The following RBMS1 variants were observed in gnomAD, a reference collection of about 807,000 sequenced individuals.
RBMS1 encodes RNA binding motif single stranded interacting protein 1.
RBMS1 carries 17 observed loss-of-function variants against 62.3 expected under a neutral mutation model. The ratio of observed to expected loss-of-function variants is 0.27; its 90% CI spans 0.19 to 0.41. RBMS1 has a LOEUF of 0.41. RBMS1 is among the 10% of genes least tolerant of loss of function. RBMS1 has a pLI of 1.00. For missense variants in RBMS1, 334 were observed against 504.5 expected (o/e 0.66, Z 3.24); for synonymous variants, 172 against 170.0 (o/e 1.01, Z -0.09).
intron 1 of RBMS1, among the ~76,000 whole-genome samples, chr2:160,387,574 T>A (rs1420167871): frequency 2.0e-5 from 3 of 152,110 alleles, no homozygotes; most frequent in African/African-American, 2.4e-5. Context: ...TTTCTGTCTG[T>A]GCTGCAAATG....
At chr2:160,330,950 A>C (rs1487563247) in intron 2 of RBMS1, among the ~76,000 whole-genome samples, 1 of 152,204 alleles carries the variant, frequency 6.6e-6, no homozygotes, top group African/African-American at 2.4e-5. Context: ...AGATGTGAAC[A>C]GAGACACATG....
At chr2:160,355,602 T>C (rs1260145360) in intron 2 of RBMS1, among the ~76,000 whole-genome samples, 5 of 152,036 alleles carry the variant, frequency 3.3e-5, no homozygotes, top group Non-Finnish European at 7.4e-5. Context: ...ACCTTCTCAG[T>C]GAAGTACAAG....
Position 160,277,371 on chromosome 2 carries a change from T to C in RBMS1, c.1075A>G (p.Thr359Ala), listed in dbSNP as rs1017230998. ...LGSTGTYMPA[T>A]SAMQGAYLPQ... is the part of the protein sequence containing the mutation. ...AAGTAGGCTCCTTGCATAGCTGACG[T>C]TGCAGGCATGTACTAGAAAGAAGAA... Residue 359 changes from threonine to alanine, a missense_variant, in exon 12 of 14, where the codon ACG (threonine) becomes GCG (alanine). Thr to Ala is a moderately conservative substitution (Grantham distance 58). Transcript: ENST00000348849. 1 of 1,612,628 alleles carries C rather than the reference T, an allele frequency of 6.2e-7. No homozygotes were observed. Among genetic ancestry groups the C allele is most frequent in the Non-Finnish European group, 8.5e-7 (1 of 1,178,794 alleles).
chr2:160,286,913 G>A, intron 7 of RBMS1, 56 bp downstream of exon 7: 1 of 1,607,544 alleles, frequency 6.2e-7, no homozygotes, highest in African/African-American at 1.3e-5. Flanking sequence ...TTTTCATGTG[G>A]GCATTCAAGA....
intron 1 of RBMS1, among the ~76,000 whole-genome samples, chr2:160,373,506 C>T (rs1360909095): frequency 2.0e-5 from 3 of 152,122 alleles, no homozygotes; most frequent in East Asian, 1.9e-4. Flanking sequence ...CTATTTCCTT[C>T]AAAAGTTCTT....
chr2:160,398,251 T>C (rs1469515806), intron 1 of RBMS1, among the ~76,000 whole-genome samples: 1 of 152,270 alleles, frequency 6.6e-6, no homozygotes, highest in African/African-American at 2.4e-5. Flanking sequence ...ATCTTCCATA[T>C]TCCTTTGAGG....
intron 1 of RBMS1, among the ~76,000 whole-genome samples, chr2:160,416,679 G>A (rs2105262245): frequency 6.6e-6 from 1 of 152,216 alleles, no homozygotes; most frequent in Non-Finnish European, 1.5e-5. Flanking sequence ...TGAAGCCCTA[G>A]AAATATAGAA....
chr2:160,351,844 A>G (rs967954562), intron 2 of RBMS1, among the ~76,000 whole-genome samples: 3 of 152,136 alleles, frequency 2.0e-5, no homozygotes, highest in African/African-American at 7.2e-5. Flanking sequence ...TGACTAAGCA[A>G]TGTTCCTTCT....
chr2:160,311,360 A>G (rs902642511), intron 4 of RBMS1, among the ~76,000 whole-genome samples: 2 of 151,564 alleles, frequency 1.3e-5, no homozygotes, highest in East Asian at 1.9e-4. Flanking sequence ...GGCTACTTAG[A>G]AAGGTGATTC....
At chr2:160,414,674 A>G (rs201409316) in intron 1 of RBMS1, among the ~76,000 whole-genome samples, 1 of 152,284 alleles carries the variant, frequency 6.6e-6, no homozygotes, top group East Asian at 1.9e-4. Flanking sequence ...TAAAAATTCA[A>G]AGCTGACAGC....
chr2:160,410,994 G>A lies in RBMS1; in HGVS notation c.76-43603C>T, dbSNP rs527494738. Reference sequence around the variant, plus strand: ...CTTGACCTCGTGATCCGCCCATCTCGGCCTCCCAAAGTTCTGGGATTACAG... The same window carrying A: ...CTTGACCTCGTGATCCGCCCATCTCAGCCTCCCAAAGTTCTGGGATTACAG... On this transcript the variant is annotated intron_variant, in intron 1 of 13. Transcript: ENST00000348849. Among the ~76,000 whole-genome samples, 10 of 152,138 alleles carry A rather than the reference G, an allele frequency of 6.6e-5. No individual in the cohort carries two copies. The East Asian group carries it at 9.7e-4, about 15-fold the overall frequency.
intron 1 of RBMS1, among the ~76,000 whole-genome samples, chr2:160,421,296 C>G (rs184748646): frequency 1.1e-4 from 16 of 152,108 alleles, no homozygotes; most frequent in Middle Eastern, 3.4e-3. Flanking sequence ...TTCCCTCCCC[C>G]CTTCCCCCAC....
intron 1 of RBMS1, among the ~76,000 whole-genome samples, chr2:160,472,438 C>T (rs748689032): frequency 3.3e-5 from 5 of 152,108 alleles, no homozygotes; most frequent in Non-Finnish European, 5.9e-5. Context: ...AAGGATAAAA[C>T]ATTCTGGCCG....
chr2:160,421,555 C>T (rs1048595488), intron 1 of RBMS1, among the ~76,000 whole-genome samples: 18 of 152,154 alleles, frequency 1.2e-4, no homozygotes, highest in African/African-American at 4.3e-4. Context: ...CATTGATGGA[C>T]ATTTGGGTTG....
intron 1 of RBMS1, among the ~76,000 whole-genome samples, chr2:160,390,379 G>C (rs1042624917): frequency 6.6e-6 from 1 of 152,132 alleles, no homozygotes; most frequent in African/African-American, 2.4e-5. Flanking sequence ...TTGGAGGAGA[G>C]GAAGGAAAGA....
At chr2:160,352,181 T>C (rs1425958480) in intron 2 of RBMS1, among the ~76,000 whole-genome samples, 1 of 152,134 alleles carries the variant, frequency 6.6e-6, no homozygotes, top group African/African-American at 2.4e-5. Flanking sequence ...AAGTTCTGTT[T>C]TTCCCAGCTC....
At chr2:160,484,477 A>AGAGC (rs1283162534) in intron 1 of RBMS1, among the ~76,000 whole-genome samples, 2 of 150,068 alleles carry the variant, frequency 1.3e-5, no homozygotes, top group East Asian at 4.1e-4. Context: ...CCTGGGCGAC[A>AGAGC]GAGCGAGCGA....
chr2:160,489,118 G>T (rs941986899), intron 1 of RBMS1, among the ~76,000 whole-genome samples: 2 of 152,012 alleles, frequency 1.3e-5, no homozygotes, highest in South Asian at 2.1e-4. Flanking sequence ...CCAACATAGG[G>T]GAAAAAACAA....
intron 2 of RBMS1, among the ~76,000 whole-genome samples, chr2:160,358,353 C>A (rs1202198358): frequency 6.6e-6 from 1 of 152,110 alleles, no homozygotes; most frequent in Non-Finnish European, 1.5e-5. Flanking sequence ...TACGATGGGA[C>A]AAATTCTGTA....
Sources: allele counts gnomAD v4.1 joint callset (sites outside exome capture counted in the v4.1 genomes callset), GRCh38; gene constraint gnomAD v4.1.1; transcripts MANE v1.5; gene names NCBI Gene and HGNC (gene_info 2026-07-23, HGNC 2026-07-21).